Variants in SCFD2 observed in about 807,000 individuals in gnomAD.
SCFD2 encodes sec1 family domain-containing protein 2.
Under a neutral mutation model 58.9 loss-of-function variants are expected in SCFD2, and 54 were observed. The ratio of observed to expected loss-of-function variants is 0.92; its 90% confidence interval spans 0.74 to 1.15. The LOEUF (loss-of-function observed/expected upper bound fraction) is 1.15. Ranked by LOEUF, SCFD2 falls within the 50% of genes most tolerant of loss-of-function variation. The probability of loss-of-function intolerance (pLI) is 0.00; values close to 1 mark genes in which losing one functional copy is unlikely to be tolerated. For missense variants in SCFD2, 805 were observed against 836.6 expected (o/e 0.96, Z 0.47); for synonymous variants, 321 against 335.9 (o/e 0.96, Z 0.49).
At chr4:52,920,476 C>T (rs1719707553) in intron 6 of SCFD2, among the ~76,000 whole-genome samples, 1 of 152,060 alleles carries the variant, frequency 6.6e-6, no homozygotes, top group Non-Finnish European at 1.5e-5. Flanking sequence ...TGCGACAAAC[C>T]CACAGTTAGA....
intron 4 of SCFD2, among the ~76,000 whole-genome samples, chr4:53,226,492 T>C (rs1201656619): frequency 6.6e-6 from 1 of 152,108 alleles, no homozygotes; most frequent in African/African-American, 2.4e-5. Context: ...TTTTTGGCTG[T>C]TTTCAAGAAT....
At chr4:53,124,619 G>C (rs1233579492) in intron 5 of SCFD2, among the ~76,000 whole-genome samples, 1 of 152,120 alleles carries the variant, frequency 6.6e-6, no homozygotes, top group African/African-American at 2.4e-5. Flanking sequence ...GTTTTATAAA[G>C]AAAGAATATT....
At chr4:53,071,773 A>G (rs1723823566) in intron 5 of SCFD2, among the ~76,000 whole-genome samples, 1 of 152,164 alleles carries the variant, frequency 6.6e-6, no homozygotes, top group Admixed American at 6.6e-5. Flanking sequence ...AAAAACATGT[A>G]AGAAAGGCAA....
intron 4 of SCFD2, among the ~76,000 whole-genome samples, chr4:53,266,282 G>T (rs1730981107): frequency 6.6e-6 from 1 of 152,096 alleles, no homozygotes; most frequent in South Asian, 2.1e-4. Flanking sequence ...TAATATTTTT[G>T]ACCCAGCTGA....
chr4:53,151,976 T>G (rs1021068879), intron 4 of SCFD2, among the ~76,000 whole-genome samples: 3 of 152,126 alleles, frequency 2.0e-5, no homozygotes, highest in Non-Finnish European at 4.4e-5. Context: ...AAGCAAGAAC[T>G]CACTTGTTAC....
At chr4:53,151,794 CA>C (rs1726515417) in intron 4 of SCFD2, among the ~76,000 whole-genome samples, 1 of 152,222 alleles carries the variant, frequency 6.6e-6, no homozygotes. Context: ...CACAGTTCTG[CA>C]GGTTGTACAA....
chr4:53,096,289 C>T (rs1231205996), intron 5 of SCFD2, among the ~76,000 whole-genome samples: 1 of 152,230 alleles, frequency 6.6e-6, no homozygotes, highest in Non-Finnish European at 1.5e-5. Context: ...TGAGGAATCG[C>T]CATGCTGTCT....
At chr4:52,926,446 CA>C (rs1315884586) in intron 5 of SCFD2, among the ~76,000 whole-genome samples, 4 of 151,998 alleles carry the variant, frequency 2.6e-5, no homozygotes, top group Non-Finnish European at 1.5e-5. Context: ...GCAGGTCAAG[CA>C]AAAATCATGC....
At chr4:52,958,796 C>G (rs1056695641) in intron 5 of SCFD2, among the ~76,000 whole-genome samples, 1 of 152,196 alleles carries the variant, frequency 6.6e-6, no homozygotes, top group Non-Finnish European at 1.5e-5. Context: ...ATGGCTCTTA[C>G]ACTTTTTGGA....
intron 5 of SCFD2, among the ~76,000 whole-genome samples, chr4:53,100,071 C>T (rs1254959612): frequency 1.3e-5 from 2 of 152,098 alleles, no homozygotes; most frequent in Non-Finnish European, 1.5e-5. Flanking sequence ...CATCAGGAAA[C>T]TGATGAAGAA....
At chr4:53,009,709 C>G (rs1419418974) in intron 5 of SCFD2, among the ~76,000 whole-genome samples, 1 of 152,116 alleles carries the variant, frequency 6.6e-6, no homozygotes, top group African/African-American at 2.4e-5. Flanking sequence ...GGATCCTAAC[C>G]TTCTTGTTTT....
At chr4:52,938,078 G>A (rs1414295313) in intron 5 of SCFD2, among the ~76,000 whole-genome samples, 1 of 152,136 alleles carries the variant, frequency 6.6e-6, no homozygotes, top group Non-Finnish European at 1.5e-5. Context: ...ACTTCTGCCT[G>A]CATCACACTT....
chr4:53,031,035 C>T (rs930724094), intron 5 of SCFD2, among the ~76,000 whole-genome samples: 8 of 152,168 alleles, frequency 5.3e-5, no homozygotes, highest in Admixed American at 2.6e-4. Flanking sequence ...TCCAGGAGAG[C>T]TCTGGCTGGC....
intron 5 of SCFD2, among the ~76,000 whole-genome samples, chr4:52,934,918 T>C (rs987460592): frequency 1.3e-5 from 2 of 152,218 alleles, no homozygotes; most frequent in Non-Finnish European, 2.9e-5. Flanking sequence ...TATTGTCCCA[T>C]AGAACTGTCT....
At position 53,313,758 on chromosome 4, in the gene SCFD2, G is replaced by T. The variant is rs761536294; in HGVS notation, c.1013C>A (p.Thr338Asn). The T allele has an allele frequency of 6.2e-7, 1 of 1,613,938 alleles. No homozygotes were observed. Among genetic ancestry groups the T allele is most frequent in the South Asian group, 1.1e-5 (1 of 91,074 alleles). Reference protein sequence around the residue: ...APGCLSQSSDTTAKALWEALL... With the variant: ...APGCLSQSSDNTAKALWEALL... Reference sequence around the variant, plus strand: ...AGCTTCCCATAGGGCTTTGGCTGTGGTGTCACTGCAGGAAAATCACAAAAA... The same window carrying T: ...AGCTTCCCATAGGGCTTTGGCTGTGTTGTCACTGCAGGAAAATCACAAAAA... Residue 338 changes from threonine (T) to asparagine (N), a missense_variant, in exon 3 of 9, where the codon ACC becomes AAC. By Grantham distance (65) the Thr-to-Asn change is moderately conservative. Coordinates refer to ENST00000401642, the MANE Select transcript of SCFD2 (RefSeq NM_152540.4).
chr4:53,310,332 C>G (rs1732653340), intron 3 of SCFD2, among the ~76,000 whole-genome samples: 1 of 152,168 alleles, frequency 6.6e-6, no homozygotes, highest in Non-Finnish European at 1.5e-5. Flanking sequence ...AGTTCTGTCA[C>G]CCATTAAACA....
In SCFD2 at chr4:53,344,629, C is replaced by T. The variant is rs1329763069; in HGVS notation, c.1007+7969G>A. Among the ~76,000 whole-genome samples, 3 of 152,276 alleles carry T rather than the reference C, an allele frequency of 2.0e-5. No homozygotes were observed. The East Asian group carries it at 5.8e-4, about 29-fold the overall frequency. On this transcript the variant is annotated intron_variant, in intron 2 of 8. Transcript: ENST00000401642. ...AAGTTCATATGGAACCAAAAAAGAGCCCGCATTGCCAAGACAATCCTAAGC... is the reference window on the plus strand; with the variant it reads ...AAGTTCATATGGAACCAAAAAAGAGTCCGCATTGCCAAGACAATCCTAAGC...
intron 5 of SCFD2, among the ~76,000 whole-genome samples, chr4:53,063,699 G>C (rs1189532529): frequency 1.3e-5 from 2 of 152,060 alleles, no homozygotes; most frequent in Non-Finnish European, 2.9e-5. Flanking sequence ...CTATATAACT[G>C]AATAAGCTTC....
chr4:53,208,573 A>T (rs1728509049), intron 4 of SCFD2, among the ~76,000 whole-genome samples: 1 of 152,180 alleles, frequency 6.6e-6, no homozygotes, highest in African/African-American at 2.4e-5. Context: ...GCTGGTGTGC[A>T]TACCCAATCT....
Sources: allele counts gnomAD v4.1 joint callset (sites outside exome capture counted in the v4.1 genomes callset), GRCh38; gene constraint gnomAD v4.1.1; transcripts MANE v1.5; gene names NCBI Gene and HGNC (gene_info 2026-07-23, HGNC 2026-07-21).